Variants in SNX29 observed in about 807,000 individuals in gnomAD.
The protein encoded by SNX29 is sorting nexin 29, also known as sorting nexin-29.
SNX29 carries 78 observed loss-of-function variants against 102.1 expected under a neutral mutation model. The ratio of observed to expected loss-of-function variants is 0.76; its 90% CI spans 0.64 to 0.92. The LOEUF is 0.92. Among genes scored for constraint, SNX29 ranks in the 40% least tolerant of loss-of-function variants. SNX29 has a pLI of 0.00. For synonymous variants in SNX29, 580 were observed against 414.5 expected (o/e 1.40, Z -4.85); for missense variants, 1,280 against 1,061.7 (o/e 1.21, Z -2.86).
At position 12,072,767 on chromosome 16, in the gene SNX29, C is replaced by G. The variant is rs558476943; in HGVS notation, c.1319+3635C>G. On this transcript the variant is annotated intron_variant, in intron 10 of 20. Transcript: ENST00000566228. ...GGTACCAGTTCCTCCTTGTACCTGT[C>G]GTAGAATTCGGCTGTGAATCCATCT... Among the ~76,000 whole-genome samples, 1,059 of 150,470 alleles carry G rather than the reference C, an allele frequency of 7.0e-3. 16 individuals carry two copies. The highest frequency in any genetic ancestry group is 0.025 in the African/African-American group (1,012 of 39,878).
intron 18 of SNX29, among the ~76,000 whole-genome samples, chr16:12,409,606 T>C (rs2084313267): frequency 6.6e-6 from 1 of 151,918 alleles, no homozygotes; most frequent in Admixed American, 6.6e-5. Flanking sequence ...TTTTTTTGTA[T>C]TTTTAGTAGA....
chr16:12,145,557 C>G (rs2055033154), intron 13 of SNX29, among the ~76,000 whole-genome samples: 1 of 152,038 alleles, frequency 6.6e-6, no homozygotes, highest in Admixed American at 6.6e-5. Flanking sequence ...CCGGGAATAC[C>G]AGAAAAGTTT....
intron 13 of SNX29, among the ~76,000 whole-genome samples, chr16:12,189,816 G>C (rs935578505): frequency 2.0e-5 from 3 of 152,006 alleles, no homozygotes; most frequent in African/African-American, 7.2e-5. Context: ...GATAATAATG[G>C]ATTATAAGCT....
chr16:12,140,399 A>G (rs1223915825), intron 13 of SNX29, among the ~76,000 whole-genome samples: 1 of 152,194 alleles, frequency 6.6e-6, no homozygotes, highest in East Asian at 1.9e-4. Flanking sequence ...TTCCTGCCCA[A>G]GCCTGGGTCC....
intron 20 of SNX29, among the ~76,000 whole-genome samples, chr16:12,552,257 G>A (rs772635813): frequency 1.0e-3 from 157 of 152,284 alleles, no homozygotes; most frequent in Non-Finnish European, 6.0e-4. Flanking sequence ...CCTCCTAGGG[G>A]CTCGTAAGCC....
At chr16:12,441,288 CTG>C (rs973560859) in intron 18 of SNX29, among the ~76,000 whole-genome samples, 3 of 151,928 alleles carry the variant, frequency 2.0e-5, no homozygotes, top group African/African-American at 7.3e-5. Context: ...CGGGGTTTCA[CTG>C]TGTTAGTCAG....
chr16:12,082,590 T>G (rs566906255), intron 11 of SNX29, among the ~76,000 whole-genome samples: 1 of 152,352 alleles, frequency 6.6e-6, no homozygotes, highest in African/African-American at 2.4e-5. Flanking sequence ...ATCATTTTAT[T>G]ATTTGGCATT....
intron 13 of SNX29, among the ~76,000 whole-genome samples, chr16:12,132,355 C>G (rs1321098038): frequency 6.6e-6 from 1 of 152,226 alleles, no homozygotes; most frequent in African/African-American, 2.4e-5. Context: ...CTGCCTCAGC[C>G]TTCCAAAGTG....
rs545063895 is a variant in SNX29, at chr16:12,261,273, T to G, written c.1679-16660T>G. The stretch of plus-strand genomic sequence containing the variant: ...GCGCACCCCCGGGTGAAGTGAGTGT[T>G]TGCTGAGCTCGGGTCTGTGCGCGCG... On this transcript the variant is annotated intron_variant, in intron 14 of 20. Transcript: ENST00000566228. Among the ~76,000 whole-genome samples, 59 of 135,702 alleles carry G rather than the reference T, an allele frequency of 4.3e-4. 4 individuals carry two copies. The highest frequency in any genetic ancestry group is 1.5e-4 in the Admixed American group (2 of 13,138). 89.0% of individuals were successfully genotyped at this position (135,702 alleles called of 152,430 possible). A position where few individuals can be genotyped will look rare whatever the true frequency, so the allele number is the denominator to read the frequency against.
intron 20 of SNX29, among the ~76,000 whole-genome samples, chr16:12,537,098 G>A (rs1417776355): frequency 6.6e-6 from 1 of 152,198 alleles, no homozygotes; most frequent in Non-Finnish European, 1.5e-5. Flanking sequence ...TCCACCCACG[G>A]TCAGTCCCTT....
intron 18 of SNX29, among the ~76,000 whole-genome samples, chr16:12,424,909 C>T (rs116678959): frequency 0.012 from 1,782 of 152,262 alleles, 41 homozygotes; most frequent in African/African-American, 0.04. Flanking sequence ...TCAACCACAT[C>T]AATAAATGGA....
chr16:12,017,160 G>A (rs1250346450), intron 3 of SNX29, among the ~76,000 whole-genome samples: 1 of 152,108 alleles, frequency 6.6e-6, no homozygotes, highest in Non-Finnish European at 1.5e-5. Flanking sequence ...ACTGCCTGAT[G>A]TCTTTGCAGA....
At chr16:12,496,529 T>TA (rs1555553252) in intron 19 of SNX29, among the ~76,000 whole-genome samples, 1 of 139,772 alleles carries the variant, frequency 7.2e-6, no homozygotes, top group Non-Finnish European at 1.6e-5. Flanking sequence ...TTTTTTTTTT[T>TA]AAACCTAGTC....
intron 20 of SNX29, among the ~76,000 whole-genome samples, chr16:12,537,466 C>T (rs1027170402): frequency 4.7e-5 from 7 of 149,694 alleles, no homozygotes; most frequent in East Asian, 3.9e-4. Flanking sequence ...GCCTCAGCAT[C>T]CTCATCTATA....
intron 16 of SNX29, among the ~76,000 whole-genome samples, chr16:12,382,093 C>A (rs1366911318): frequency 2.0e-5 from 3 of 152,130 alleles, no homozygotes; most frequent in East Asian, 3.9e-4. Flanking sequence ...TGAATAACAC[C>A]CGGGTTCCAC....
intron 1 of SNX29, among the ~76,000 whole-genome samples, chr16:11,995,120 C>T (rs2056010891): frequency 6.6e-6 from 1 of 152,210 alleles, no homozygotes; most frequent in Admixed American, 6.5e-5. Flanking sequence ...GGCTGGAGTG[C>T]ATTGGTGCAA....
chr16:12,468,072 C>T (rs534853442), intron 18 of SNX29, among the ~76,000 whole-genome samples: 2 of 151,838 alleles, frequency 1.3e-5, no homozygotes, highest in Non-Finnish European at 2.9e-5. Flanking sequence ...AGCCTCCTTT[C>T]ACTTGTCCCC....
chr16:12,007,051 GT>G (rs113805303), intron 3 of SNX29, among the ~76,000 whole-genome samples: 1,799 of 152,274 alleles, frequency 0.012, 38 homozygotes, highest in African/African-American at 0.041. Flanking sequence ...TGACTAAATG[GT>G]TTTTGAGGCT....
chr16:12,248,545 A>C (rs1434979358), intron 14 of SNX29, among the ~76,000 whole-genome samples: 1 of 151,922 alleles, frequency 6.6e-6, no homozygotes, highest in East Asian at 1.9e-4. Context: ...GTGCACCACC[A>C]TGCCTGGCTA....
Sources: gnomAD v4.1 joint callset for allele counts (sites outside exome capture counted in the v4.1 genomes callset) on GRCh38, gnomAD v4.1.1 for gene constraint, MANE v1.5 for transcripts, NCBI Gene and HGNC (gene_info 2026-07-23, HGNC 2026-07-21) for gene names.